The following RPRD1A variants were observed in gnomAD, a reference collection of about 807,000 sequenced individuals.
RPRD1A encodes regulation of nuclear pre-mRNA domain containing 1A, also known as regulation of nuclear pre-mRNA domain-containing protein 1A.
RPRD1A carries 9 observed loss-of-function variants against 37.8 expected under a neutral mutation model. That is an observed-to-expected ratio of 0.24 (90% CI 0.14 to 0.42). The LOEUF is 0.42. RPRD1A is among the 10% of genes least tolerant of loss of function. The probability of loss-of-function intolerance (pLI) is 1.00; values close to 1 mark genes in which losing one functional copy is unlikely to be tolerated. For synonymous variants in RPRD1A, 138 were observed against 139.7 expected (o/e 0.99, Z 0.08); for missense variants, 255 against 371.0 (o/e 0.69, Z 2.57).
chr18:36,008,175 G>T (rs987474289), intron 6 of RPRD1A, among the ~76,000 whole-genome samples: 2 of 152,008 alleles, frequency 1.3e-5, no homozygotes, highest in Non-Finnish European at 2.9e-5. Context: ...AGCTGGGAGA[G>T]GCTACATTTT....
intron 1 of RPRD1A, among the ~76,000 whole-genome samples, chr18:36,062,290 G>A (rs1335394712): frequency 7.3e-6 from 1 of 136,692 alleles, no homozygotes; most frequent in Admixed American, 8.0e-5. Context: ...GCAGTCCGCA[G>A]TCCGGCCTGG....
rs978132976 is a variant in RPRD1A at position 36,032,281 on chromosome 18, G to C, written c.282-1184C>G. Reference sequence around the variant, plus strand: ...AAACTGTCTTGGTCACTACTACTCAGGGTTTTGCATATAATAAATATTTAT... The same window carrying C: ...AAACTGTCTTGGTCACTACTACTCACGGTTTTGCATATAATAAATATTTAT... On this transcript the variant is annotated intron_variant, in intron 2 of 6. Transcript: ENST00000399022. Among the ~76,000 whole-genome samples the C allele has an allele frequency of 2.0e-5, 3 of 152,100 alleles. No individual in the cohort carries two copies. In the South Asian group the frequency reaches 6.2e-4, roughly 32 times the overall value.
At chr18:36,028,016 C>T (rs1351790503) in intron 4 of RPRD1A, 1 of 151,948 alleles carries the variant, frequency 6.6e-6, no homozygotes, top group Non-Finnish European at 1.5e-5. Flanking sequence ...GAGGGAAGCG[C>T]AACTCTTTGC....
Position 36,067,530 on chromosome 18 carries a change from C to T in RPRD1A, c.-126G>A. ...CACGCTCTCACCACGGCCGCCGCTTCATCCAAGACCGGCCGCAAACCAGCA... is the reference window on the plus strand; with the variant it reads ...CACGCTCTCACCACGGCCGCCGCTTTATCCAAGACCGGCCGCAAACCAGCA... On this transcript the variant is annotated 5_prime_UTR_variant, in exon 1 of 7. It removes an upstream start codon present in the reference 5' UTR. Transcript: ENST00000399022. 1 of 969,506 alleles carries T rather than the reference C, an allele frequency of 1.0e-6. No homozygotes were observed. The highest frequency in any genetic ancestry group is 1.5e-6 in the Non-Finnish European group (1 of 683,752). 60.1% of individuals were successfully genotyped at this position (969,506 alleles called of 1,614,324 possible). A position where few individuals can be genotyped will look rare whatever the true frequency, so the allele number is the denominator to read the frequency against.
intron 1 of RPRD1A, among the ~76,000 whole-genome samples, chr18:36,050,724 T>TC (rs1352641123): frequency 6.6e-6 from 1 of 151,774 alleles, no homozygotes. Flanking sequence ...TTTTTTTTTT[T>TC]TGTAGAGACA....
chr18:36,037,137 C>A (rs1226045628), intron 1 of RPRD1A, among the ~76,000 whole-genome samples: 1 of 152,066 alleles, frequency 6.6e-6, no homozygotes, highest in Non-Finnish European at 1.5e-5. Context: ...CTTATTTCTT[C>A]TCCCCATGAA....
Position 36,027,081 on chromosome 18 carries a change from A to G in RPRD1A, c.614-6T>C, listed in dbSNP as rs572624060. ...CCTTTCTCCAGATTCTTTATCTAAG[A>G]AAAGCACGGGATAATAAAATATTAT... On this transcript the variant is annotated splice_region_variant and splice_polypyrimidine_tract_variant and intron_variant, in intron 5 of 6. Coordinates refer to ENST00000399022, the MANE Select transcript of RPRD1A (RefSeq NM_018170.5). The G allele has an allele frequency of 9.1e-5, 147 of 1,613,562 alleles. No individual in the cohort carries two copies. Among genetic ancestry groups the G allele is most frequent in the Non-Finnish European group, 1.2e-4 (142 of 1,179,666 alleles).
At chr18:36,009,197 G>A (rs1034743178) in intron 6 of RPRD1A, among the ~76,000 whole-genome samples, 23 of 152,138 alleles carry the variant, frequency 1.5e-4, no homozygotes, top group Middle Eastern at 6.8e-3. Context: ...TACTTGGGCC[G>A]TCAGTAGGAT....
intron 1 of RPRD1A, among the ~76,000 whole-genome samples, chr18:36,046,091 A>AT (rs1185333569): frequency 6.6e-6 from 1 of 152,176 alleles, no homozygotes; most frequent in Non-Finnish European, 1.5e-5. Flanking sequence ...ATAGGTCATG[A>AT]TTTTTCTACT....
At chr18:36,053,903 G>C (rs1392515764) in intron 1 of RPRD1A, among the ~76,000 whole-genome samples, 1 of 151,700 alleles carries the variant, frequency 6.6e-6, no homozygotes, top group Admixed American at 6.6e-5. Flanking sequence ...GAAGGAAGGG[G>C]TTGAAACAAT....
intron 6 of RPRD1A, among the ~76,000 whole-genome samples, chr18:36,016,272 G>GA (rs1278228229): frequency 6.6e-6 from 1 of 151,948 alleles, no homozygotes; most frequent in African/African-American, 2.4e-5. Context: ...GCCCAGGCTG[G>GA]AGTGCAATGG....
chr18:36,000,945 C>A (rs532290879), intron 6 of RPRD1A, among the ~76,000 whole-genome samples: 1 of 152,212 alleles, frequency 6.6e-6, no homozygotes, highest in African/African-American at 2.4e-5. Flanking sequence ...ACTAAGGGTT[C>A]AGAACAGTGA....
chr18:36,015,212 ACTTT>A (rs1200308706), intron 6 of RPRD1A, among the ~76,000 whole-genome samples: 7 of 139,298 alleles, frequency 5.0e-5, no homozygotes, highest in South Asian at 2.3e-4. Context: ...ACATTCACAT[ACTTT>A]TTTTTTTTTT....
At chr18:36,049,220 C>T (rs1297940512) in intron 1 of RPRD1A, among the ~76,000 whole-genome samples, 1 of 152,042 alleles carries the variant, frequency 6.6e-6, no homozygotes, top group African/African-American at 2.4e-5. Flanking sequence ...ATTATTTTTA[C>T]AAGGAAAAAA....
chr18:36,002,740 CTT>C (rs1292328787), intron 6 of RPRD1A, among the ~76,000 whole-genome samples: 2 of 152,224 alleles, frequency 1.3e-5, no homozygotes, highest in East Asian at 3.8e-4. Context: ...TGCTTTCTCT[CTT>C]CAGGCTGTTT....
chr18:36,004,600 A>G (rs1235569320), intron 6 of RPRD1A, among the ~76,000 whole-genome samples: 1 of 152,190 alleles, frequency 6.6e-6, no homozygotes, highest in Non-Finnish European at 1.5e-5. Flanking sequence ...ATGTAGGCCT[A>G]GTTCTTTCAA....
intron 6 of RPRD1A, among the ~76,000 whole-genome samples, chr18:35,994,821 C>T (rs1908927437): frequency 6.6e-6 from 1 of 152,222 alleles, no homozygotes; most frequent in African/African-American, 2.4e-5. Flanking sequence ...CTCTACTCTT[C>T]TGCACATCTA....
intron 6 of RPRD1A, among the ~76,000 whole-genome samples, chr18:36,017,834 TG>T (rs1355598456): frequency 1.3e-5 from 2 of 152,238 alleles, no homozygotes; most frequent in Non-Finnish European, 2.9e-5. Context: ...TTAAGGACTC[TG>T]GTTTCATCTG....
Position 36,022,915 on chromosome 18 carries a change from T to C in RPRD1A, c.789+3985A>G, listed in dbSNP as rs193267424. Among the ~76,000 whole-genome samples, 81 of 152,328 alleles carry C rather than the reference T, an allele frequency of 5.3e-4. 1 individual carries two copies. The highest frequency in any genetic ancestry group is 3.4e-3 in the Middle Eastern group (1 of 294). The stretch of plus-strand genomic sequence containing the variant: ...AGTTCGAGGTTACAGTGAGCTGTGA[T>C]TGCATGACTACTCCAGCCTGGGTGA... On this transcript the variant is annotated intron_variant, in intron 6 of 6. Transcript: ENST00000399022.
Sources: allele counts gnomAD v4.1 joint callset (sites outside exome capture counted in the v4.1 genomes callset), GRCh38; gene constraint gnomAD v4.1.1; transcripts MANE v1.5; gene names NCBI Gene and HGNC (gene_info 2026-07-23, HGNC 2026-07-21).